The following PCDHA4 variants were observed in gnomAD, a reference collection of about 807,000 sequenced individuals.
PCDHA4 encodes protocadherin alpha-4.
In PCDHA4, 49 loss-of-function variants were observed where a neutral mutation model predicts 61.4. The observed-to-expected ratio is 0.80, with a 90% confidence interval of 0.63 to 1.01. PCDHA4 has a LOEUF of 1.01. PCDHA4 is among the 50% of genes least tolerant of loss of function. The pLI, the probability that PCDHA4 is intolerant of heterozygous loss-of-function variation, is 0.00. For synonymous variants in PCDHA4, 590 were observed against 550.3 expected (o/e 1.07, Z -1.01); for missense variants, 1,254 against 1,235.8 (o/e 1.01, Z -0.22).
At chr5:140,890,688 T>C (rs570229410) in intron 1 of PCDHA4, among the ~76,000 whole-genome samples, 4 of 152,334 alleles carry the variant, frequency 2.6e-5, no homozygotes, top group Admixed American at 2.6e-4. Flanking sequence ...TTCTGGGAAA[T>C]GCAGGGACCT....
intron 1 of PCDHA4, among the ~76,000 whole-genome samples, chr5:140,903,475 A>C (rs1186809574): frequency 6.6e-6 from 1 of 152,220 alleles, no homozygotes; most frequent in African/African-American, 2.4e-5. Flanking sequence ...TATTCCTTGC[A>C]TTATAGTTCT....
At chr5:140,849,988 G>T (rs2150461736) in intron 1 of PCDHA4, 1 of 1,597,248 alleles carries the variant, frequency 6.3e-7, no homozygotes, top group Non-Finnish European at 8.6e-7. Flanking sequence ...GTGGAGCGGC[G>T]GTTGGGCGAG....
rs782282264 is a variant in PCDHA4, at chr5:141,009,955, A to C, written c.*18A>C. The C allele has an allele frequency of 6.3e-7, 1 of 1,592,536 alleles. No homozygotes were observed. The highest frequency in any genetic ancestry group is 2.2e-5 in the East Asian group (1 of 44,734). ...ACCAGTGAGGTCCTCAAATGGAAAC[A>C]AGCCACTTAGCCAGTTTTTGTAATA... is the stretch of plus-strand genomic sequence containing the variant. On this transcript the variant is annotated 3_prime_UTR_variant, in exon 4 of 4. Coordinates refer to ENST00000530339, the MANE Select transcript of PCDHA4 (RefSeq NM_018907.4).
chr5:140,973,148 T>G (rs2096574239), intron 1 of PCDHA4, among the ~76,000 whole-genome samples: 1 of 152,210 alleles, frequency 6.6e-6, no homozygotes, highest in Non-Finnish European at 1.5e-5. Context: ...TTCACTTATT[T>G]TAAAGCAATT....
chr5:140,960,612 G>C (rs1467595478), intron 1 of PCDHA4, among the ~76,000 whole-genome samples: 1 of 152,110 alleles, frequency 6.6e-6, no homozygotes, highest in Non-Finnish European at 1.5e-5. Context: ...ACAATATCTA[G>C]TGTGTTTTTG....
At chr5:140,853,548 C>T in intron 1 of PCDHA4, 1 of 978,800 alleles carries the variant, frequency 1.0e-6, no homozygotes. Flanking sequence ...GTTGTAATTA[C>T]TATATAGGAA....
chr5:140,823,877 T>C (rs1554129642), intron 1 of PCDHA4: 1 of 1,613,762 alleles, frequency 6.2e-7, no homozygotes, highest in African/African-American at 1.3e-5. Context: ...TACCTGATCA[T>C]CGCCATCTGT....
chr5:140,890,990 A>T (rs782516672), intron 1 of PCDHA4, among the ~76,000 whole-genome samples: 1 of 152,142 alleles, frequency 6.6e-6, no homozygotes, highest in African/African-American at 2.4e-5. Flanking sequence ...TCTTTATTTC[A>T]TCATAATTAT....
chr5:140,949,075 C>G (rs1459435331), intron 1 of PCDHA4, among the ~76,000 whole-genome samples: 1 of 151,470 alleles, frequency 6.6e-6, no homozygotes, highest in Non-Finnish European at 1.5e-5. Flanking sequence ...ACTCTTTCAC[C>G]CATTTATTAC....
chr5:140,971,702 T>G (rs1411821487), intron 1 of PCDHA4, among the ~76,000 whole-genome samples: 6 of 152,138 alleles, frequency 3.9e-5, no homozygotes, highest in African/African-American at 1.4e-4. Flanking sequence ...CTAACCACCC[T>G]GCTATATAGA....
intron 1 of PCDHA4, chr5:140,870,821 G>T: frequency 1.9e-6 from 3 of 1,613,736 alleles, no homozygotes; most frequent in South Asian, 1.1e-5. Context: ...GGCAGCGCGG[G>T]AGGCGCAGTT....
intron 1 of PCDHA4, chr5:140,928,805 T>C (rs1554206331): frequency 6.2e-7 from 1 of 1,614,162 alleles, no homozygotes. Context: ...GTGGTAGTGG[T>C]TCGGGACCAT....
At chr5:140,901,909 C>T (rs2068974930) in intron 1 of PCDHA4, among the ~76,000 whole-genome samples, 1 of 151,454 alleles carries the variant, frequency 6.6e-6, no homozygotes, top group African/African-American at 2.4e-5. Context: ...TTGTGGAGAT[C>T]TTTCACTTCT....
intron 1 of PCDHA4, chr5:140,883,466 A>T: frequency 6.2e-7 from 1 of 1,614,128 alleles, no homozygotes; most frequent in Non-Finnish European, 8.5e-7. Flanking sequence ...GCTGGTGTCC[A>T]CCTACAAGAA....
rs145195613 is a variant in PCDHA4, at chr5:140,845,173, T to C, written c.2385+35601T>C. Among the ~76,000 whole-genome samples, 10 of 149,788 alleles carry C rather than the reference T, an allele frequency of 6.7e-5. No individual in the cohort carries two copies. The East Asian group carries it at 1.7e-3, about 26-fold the overall frequency. On this transcript the variant is annotated intron_variant, in intron 1 of 3. Transcript: ENST00000530339. ...GTGTAAAAGCGAATTGTTTTCATTTTAGTCCTTTAAAAAATATGATTGTTT... is the reference window on the plus strand; with the variant it reads ...GTGTAAAAGCGAATTGTTTTCATTTCAGTCCTTTAAAAAATATGATTGTTT...
chr5:141,010,802 G>A lies in PCDHA4; in HGVS notation c.*865G>A, dbSNP rs1323558356. On this transcript the variant is annotated 3_prime_UTR_variant, in exon 4 of 4. Coordinates refer to ENST00000530339, the MANE Select transcript of PCDHA4 (RefSeq NM_018907.4). ...TTATGCAAAAGCAAAAGAAAACCCC[G>A]ACACCTCACCTTTCGCTGTTTGTTG... 6.5e-6 allele frequency: 1 copy of A among 153,554 alleles called. No homozygotes were observed. The highest frequency in any genetic ancestry group is 1.5e-5 in the Non-Finnish European group (1 of 68,024). The allele number at this position is 153,554 out of a possible 1,614,324, so 9.5% of individuals were successfully genotyped here. A position where few individuals can be genotyped will look rare whatever the true frequency, so the allele number is the denominator to read the frequency against.
At chr5:140,981,665 CCTTT>C (rs1170982670) in intron 2 of PCDHA4, among the ~76,000 whole-genome samples, 2 of 152,092 alleles carry the variant, frequency 1.3e-5, no homozygotes, top group Non-Finnish European at 2.9e-5. Flanking sequence ...TTTCTTCCTT[CCTTT>C]CTTCCTTCCT....
chr5:140,937,921 A>G (rs1304092674), intron 1 of PCDHA4, among the ~76,000 whole-genome samples: 2 of 152,184 alleles, frequency 1.3e-5, no homozygotes, highest in Non-Finnish European at 2.9e-5. Flanking sequence ...CAAAAAAAAA[A>G]AAAAAAGTTT....
chr5:140,855,323 G>C lies in PCDHA4; in HGVS notation c.2385+45751G>C, dbSNP rs186152172. The stretch of plus-strand genomic sequence containing the variant: ...TTATAAAATTGGAACATGAGGGAGG[G>C]AGAGGTTAAACGATTTTCCCAAGTC... On this transcript the variant is annotated intron_variant, in intron 1 of 3. Transcript: ENST00000530339. 5.3e-5 allele frequency among the ~76,000 whole-genome samples: 8 copies of C among 149,960 alleles called. 1 individual carries two copies. The highest frequency in any genetic ancestry group is 7.5e-5 in the Non-Finnish European group (5 of 67,078).
Sources: allele counts gnomAD v4.1 joint callset (sites outside exome capture counted in the v4.1 genomes callset), GRCh38; gene constraint gnomAD v4.1.1; transcripts MANE v1.5; gene names NCBI Gene and HGNC (gene_info 2026-07-23, HGNC 2026-07-21).